Variants in IL1RAP observed in about 807,000 individuals in gnomAD.
The protein encoded by IL1RAP is interleukin 1 receptor accessory protein.
A neutral mutation model predicts 60.7 loss-of-function variants in IL1RAP; 35 were observed. The ratio of observed to expected loss-of-function variants is 0.58; its 90% CI spans 0.44 to 0.76. The LOEUF (loss-of-function observed/expected upper bound fraction) is 0.76. Ranked by LOEUF, IL1RAP falls within the 30% of genes least tolerant of loss-of-function variation. IL1RAP has a pLI of 0.00. For synonymous variants in IL1RAP, 268 were observed against 250.9 expected, an observed-to-expected ratio of 1.07 and a Z score of -0.64; for missense variants, 572 against 693.9, an observed-to-expected ratio of 0.82 and a Z score of 1.97.
intron 11 of IL1RAP, among the ~76,000 whole-genome samples, 199 bp from the exon 12 acceptor site, chr3:190,648,139 T>C (rs1014319815): frequency 6.6e-6 from 1 of 152,234 alleles, no homozygotes; most frequent in African/African-American, 2.4e-5. Context: ...ATATAGTTTC[T>C]GTTTTCCCTG....
At chr3:190,606,086 G>A (rs716984) in intron 4 of IL1RAP, among the ~76,000 whole-genome samples, 89,383 of 151,946 alleles carry the variant, frequency 0.59, 29,454 homozygotes, top group East Asian at 0.82. Context: ...CTTGGGGGTT[G>A]CAGGTAAGGG....
Position 190,649,908 on chromosome 3 carries a change from G to A in IL1RAP, c.*1203G>A, listed in dbSNP as rs75259908. The A allele has an allele frequency of 1.0e-6, 1 of 970,070 alleles. No individual in the cohort carries two copies. Among genetic ancestry groups the A allele is most frequent in the African/African-American group, 1.8e-5 (1 of 56,796 alleles). The allele number at this position is 970,070 out of a possible 1,614,324, so 60.1% of individuals were successfully genotyped here. Reference sequence around the variant, plus strand: ...AACTAAGTGCAGAGTTTACAGAGTGGTAAATATCTATGTTACATGTAGATT... The same window carrying A: ...AACTAAGTGCAGAGTTTACAGAGTGATAAATATCTATGTTACATGTAGATT... On this transcript the variant is annotated 3_prime_UTR_variant, in exon 12 of 12. Transcript: ENST00000447382.
At chr3:190,620,079 C>A (rs947258393) in intron 5 of IL1RAP, among the ~76,000 whole-genome samples, 196 bp from the exon 6 acceptor site, 1 of 152,076 alleles carries the variant, frequency 6.6e-6, no homozygotes, top group African/African-American at 2.4e-5. Flanking sequence ...TTCTCATGAT[C>A]AGAAAAGATA....
At chr3:190,533,427 C>T (rs1473113058) in intron 1 of IL1RAP, among the ~76,000 whole-genome samples, 1 of 152,168 alleles carries the variant, frequency 6.6e-6, no homozygotes, top group Non-Finnish European at 1.5e-5. Context: ...CACTTAGAAA[C>T]TTTATATTGG....
At chr3:190,520,949 T>C (rs1260397633) in intron 1 of IL1RAP, among the ~76,000 whole-genome samples, 2 of 152,216 alleles carry the variant, frequency 1.3e-5, no homozygotes, top group African/African-American at 4.8e-5. Context: ...CATAATATAG[T>C]GGACATTGAT....
chr3:190,534,073 C>T (rs545554263), intron 1 of IL1RAP, among the ~76,000 whole-genome samples: 212 of 151,440 alleles, frequency 1.4e-3, no homozygotes, highest in Non-Finnish European at 2.5e-3. Context: ...TTCTCTGGTT[C>T]TTGAAGGAAA....
intron 1 of IL1RAP, among the ~76,000 whole-genome samples, chr3:190,538,800 C>G (rs1468310561): frequency 6.6e-6 from 1 of 152,038 alleles, no homozygotes. Context: ...CCCCATGATG[C>G]CTTTCTTGTG....
chr3:190,644,456 T>TA (rs1056292951), intron 10 of IL1RAP, 59 bp downstream of exon 10: 124 of 1,299,794 alleles, frequency 9.5e-5, no homozygotes, highest in South Asian at 1.3e-4. Context: ...ACATATGTTG[T>TA]AAAAAAAAGA....
intron 6 of IL1RAP, among the ~76,000 whole-genome samples, chr3:190,622,863 T>C (rs367973414): frequency 2.0e-5 from 3 of 152,260 alleles, no homozygotes; most frequent in East Asian, 3.9e-4. Context: ...CTCCCAAACT[T>C]CCAGGGATGG....
chr3:190,529,097 C>T (rs563919362), intron 1 of IL1RAP, among the ~76,000 whole-genome samples: 3 of 152,282 alleles, frequency 2.0e-5, no homozygotes, highest in Non-Finnish European at 4.4e-5. Flanking sequence ...CTGGATGTGA[C>T]GTGGAAAAGG....
intron 1 of IL1RAP, among the ~76,000 whole-genome samples, chr3:190,531,940 C>T (rs1453742771): frequency 1.3e-5 from 2 of 152,166 alleles, no homozygotes; most frequent in Non-Finnish European, 2.9e-5. Context: ...TGTAATCGTT[C>T]TCAAAGAATA....
At chr3:190,565,667 G>T (rs951641517) in intron 3 of IL1RAP, among the ~76,000 whole-genome samples, 1 of 152,164 alleles carries the variant, frequency 6.6e-6, no homozygotes, top group Non-Finnish European at 1.5e-5. Flanking sequence ...GCTGGGATGC[G>T]CTAGGAGACA....
chr3:190,559,097 T>C (rs941751526), intron 2 of IL1RAP, among the ~76,000 whole-genome samples: 2 of 152,196 alleles, frequency 1.3e-5, no homozygotes, highest in African/African-American at 4.8e-5. Context: ...GTCGTCTGTT[T>C]CATCTTAGCT....
Position 190,648,425 on chromosome 3 carries a change from A to G in IL1RAP, c.1433A>G (p.Gln478Arg), listed in dbSNP as rs1194228190. The part of the protein sequence containing the change: ...LSPNYVLQGT[Q>R]ALLELKAGLE... Reference sequence around the variant, plus strand: ...CCCAACTACGTGCTCCAGGGAACCCAAGCCCTCCTGGAGCTCAAGGCTGGC... The same window carrying G: ...CCCAACTACGTGCTCCAGGGAACCCGAGCCCTCCTGGAGCTCAAGGCTGGC... Residue 478 changes from glutamine (Q) to arginine (R), a missense_variant, in exon 12 of 12, where the codon CAA becomes CGA. Physicochemically the swap from Gln to Arg is conservative, Grantham distance 43 (BLOSUM62 1). Coordinates refer to ENST00000447382, the MANE Select transcript of IL1RAP (RefSeq NM_002182.4). 2 of 1,614,090 alleles carry G rather than the reference A, an allele frequency of 1.2e-6. No homozygotes were observed. Among genetic ancestry groups the G allele is most frequent in the South Asian group, 1.1e-5 (1 of 91,074 alleles).
intron 1 of IL1RAP, among the ~76,000 whole-genome samples, chr3:190,552,521 GTACCACAGC>G (rs1325805793): frequency 6.6e-6 from 1 of 152,136 alleles, no homozygotes; most frequent in African/African-American, 2.4e-5. Context: ...GAACTGAAAG[GTACCACAGC>G]TTTTGTCTTC....
chr3:190,520,176 A>C (rs16865534), intron 1 of IL1RAP, among the ~76,000 whole-genome samples: 10,035 of 152,204 alleles, frequency 0.066, 706 homozygotes, highest in African/African-American at 0.17. Flanking sequence ...TATTTACCTT[A>C]AAATATCTGC....
At chr3:190,592,932 T>C (rs1317233695) in intron 3 of IL1RAP, among the ~76,000 whole-genome samples, 1 of 151,942 alleles carries the variant, frequency 6.6e-6, no homozygotes, top group Non-Finnish European at 1.5e-5. Context: ...CACTTCAAAT[T>C]GATATGAAAT....
chr3:190,591,426 A>G (rs1375015289), intron 3 of IL1RAP, among the ~76,000 whole-genome samples: 3 of 152,162 alleles, frequency 2.0e-5, no homozygotes, highest in Admixed American at 6.5e-5. Flanking sequence ...CCCCACCACT[A>G]TCATATATTG....
intron 3 of IL1RAP, among the ~76,000 whole-genome samples, chr3:190,588,140 C>A (rs1203830874): frequency 6.6e-6 from 1 of 152,082 alleles, no homozygotes; most frequent in Non-Finnish European, 1.5e-5. Flanking sequence ...TTTGAGATGG[C>A]ATCTCACTCT....
Sources: allele counts gnomAD v4.1 joint callset (sites outside exome capture counted in the v4.1 genomes callset), GRCh38; gene constraint gnomAD v4.1.1; transcripts MANE v1.5; gene names NCBI Gene and HGNC (gene_info 2026-07-23, HGNC 2026-07-21).